Variants in CRYBA4 observed in about 807,000 individuals in gnomAD.
CRYBA4 encodes the protein beta-crystallin A4.
CRYBA4 carries 30 observed loss-of-function variants against 31.7 expected under a neutral mutation model. That is an observed-to-expected ratio of 0.95 (90% confidence interval 0.71 to 1.28). The LOEUF is 1.28. Among genes scored for constraint, CRYBA4 ranks in the 50% most tolerant of loss-of-function variants. The probability of loss-of-function intolerance (pLI) is 0.00; values close to 1 mark genes in which losing one functional copy is unlikely to be tolerated. For synonymous variants in CRYBA4, 102 were observed against 102.3 expected (o/e 1.00, Z 0.02); for missense variants, 225 against 260.7 (o/e 0.86, Z 0.94).
chr22:26,612,259 A>C, the CRYBA4 span: 2 of 1,058,184 alleles, frequency 1.9e-6, no homozygotes, highest in South Asian at 1.3e-5. Context: ...AAGTATCTAC[A>C]TAAATAAAAG....
In CRYBA4 at chr22:26,622,568, G is replaced by A. The variant is rs758265336; in HGVS notation, c.-12-17G>A. The A allele has an allele frequency of 1.2e-6, 2 of 1,606,360 alleles. No individual in the cohort carries two copies. Among genetic ancestry groups the A allele is most frequent in the Non-Finnish European group, 1.7e-6 (2 of 1,174,256 alleles). On this transcript the variant is annotated splice_polypyrimidine_tract_variant and intron_variant, in intron 1 of 5. Transcript: ENST00000354760. ...GAGGGTCAGGGTGGAAGATTATAAT[G>A]TTCTTCTCTTCTGCAGGAAGGGGCC...
chr22:26,630,343 G>T lies in CRYBA4; in HGVS notation c.447G>T (p.Trp149Cys). The part of the protein sequence containing the change: ...VGSFHVHSGA[W>C]VCSQFPGYRG... The stretch of plus-strand genomic sequence containing the variant: ...GTCTGCCTTTTCTCTTTTCCAGCTG[G>T]GTTTGCTCCCAGTTTCCGGGCTACC... Residue 149 changes from tryptophan to cysteine, a missense_variant, in exon 6 of 6, where the codon TGG (tryptophan) becomes TGT (cysteine). Physicochemically the swap from Trp to Cys is radical, Grantham distance 215 (BLOSUM62 -2). Coordinates refer to ENST00000354760, the MANE Select transcript of CRYBA4 (RefSeq NM_001886.3). 6.2e-7 allele frequency: 1 copy of T among 1,614,194 alleles called. No individual in the cohort carries two copies. The highest frequency in any genetic ancestry group is 8.5e-7 in the Non-Finnish European group (1 of 1,180,016).
rs1308321796 is a variant in CRYBA4, at chr22:26,630,578, CT to C, written c.*92del. The C allele has an allele frequency of 3.6e-5, 41 of 1,146,806 alleles. No homozygotes were observed. The East Asian group carries it at 9.8e-4, about 27-fold the overall frequency. The allele number at this position is 1,146,806 out of a possible 1,614,324, so 71.0% of individuals were successfully genotyped here. A position where few individuals can be genotyped will look rare whatever the true frequency, so the allele number is the denominator to read the frequency against. ...GTGTGTTCTCTCCTTCTGCCTCCCC[CT>C]GTAACCTGTGTGAACCCAGCACCCA... On this transcript the variant is annotated 3_prime_UTR_variant, in exon 6 of 6. Coordinates refer to ENST00000354760, the MANE Select transcript of CRYBA4 (RefSeq NM_001886.3).
intron 4 of CRYBA4, among the ~76,000 whole-genome samples, chr22:26,627,357 CTCCTTTCTTTCT>C (rs1337823197): frequency 6.1e-5 from 2 of 32,794 alleles, no homozygotes; most frequent in Non-Finnish European, 1.0e-4. Context: ...CCCTCCCTCC[CTCCTTTCTTTCT>C]TTCTTTCTTT....
chr22:26,629,284 T>C (rs1929848501), intron 5 of CRYBA4, among the ~76,000 whole-genome samples: 1 of 151,940 alleles, frequency 6.6e-6, no homozygotes, highest in Non-Finnish European at 1.5e-5. Flanking sequence ...ATCTTTTTTT[T>C]TTTTCTTTTT....
rs66906132 is a variant in CRYBA4 at position 26,629,734 on chromosome 22, C to CAAAAAAAAAAAAAAAAAA, written c.444-601_444-584dup. On this transcript the variant is annotated intron_variant, in intron 5 of 5. Coordinates refer to ENST00000354760, the MANE Select transcript of CRYBA4 (RefSeq NM_001886.3). The stretch of plus-strand genomic sequence containing the variant: ...TGGGCAACAGAGTGAGACTCTGTCT[C>CAAAAAAAAAAAAAAAAAA]AAAAAAAAAAAAAAAAAAAAAATCA... 3.8e-4 allele frequency among the ~76,000 whole-genome samples: 31 copies of CAAAAAAAAAAAAAAAAAA among 80,602 alleles called. 2 individuals are homozygous for CAAAAAAAAAAAAAAAAAA. The highest frequency in any genetic ancestry group is 6.6e-4 in the African/African-American group (16 of 24,272). The allele number at this position is 80,602 out of a possible 152,430, so 52.9% of individuals were successfully genotyped here.
chr22:26,622,414 G>A (rs1256908311), intron 1 of CRYBA4, among the ~76,000 whole-genome samples, 171 bp from the exon 2 acceptor site: 1 of 152,116 alleles, frequency 6.6e-6, no homozygotes, highest in African/African-American at 2.4e-5. Context: ...AGATGGCATT[G>A]GTGACAGATG....
At chr22:26,616,445 T>C in the CRYBA4 span, 2 of 762,108 alleles carry the variant, frequency 2.6e-6, no homozygotes, top group Non-Finnish European at 4.5e-6. Flanking sequence ...TTCCTCTCTA[T>C]CTCCTTCTGA....
rs1246592939 is a variant in CRYBA4, at chr22:26,627,404, CTTTCTTTCTTTCTTTCTTTCTT to C, written c.301-863_301-842del. On this transcript the variant is annotated intron_variant, in intron 4 of 5. Transcript: ENST00000354760. ...TCTTTCTTTCTTTCTTTCTTTCTTT[CTTTCTTTCTTTCTTTCTTTCTT>C]TTTCTTTCTTTCTTTCTTTCCTTCT... 6.9e-3 allele frequency among the ~76,000 whole-genome samples: 544 copies of C among 79,416 alleles called. 10 individuals carry two copies. The highest frequency in any genetic ancestry group is 0.014 in the African/African-American group (176 of 12,544). The allele number at this position is 79,416 out of a possible 152,430, so 52.1% of individuals were successfully genotyped here.
At chr22:26,603,254 G>T in the CRYBA4 span, among the ~76,000 whole-genome samples, 1 of 152,044 alleles carries the variant, frequency 6.6e-6, no homozygotes, top group Non-Finnish European at 1.5e-5. Context: ...TTATTGCCAG[G>T]CATGGTGGCT....
At chr22:26,621,073 T>TATGAGGGACCTA (rs1308464253), upstream of CRYBA4, among the ~76,000 whole-genome samples, 2 of 152,198 alleles carry the variant, frequency 1.3e-5, no homozygotes, top group Non-Finnish European at 2.9e-5. Flanking sequence ...AGTATGTATG[T>TATGAGGGACCTA]ATGAGGGACC....
At chr22:26,629,734 CAAAAAAAA>C (rs66906132) in intron 5 of CRYBA4, among the ~76,000 whole-genome samples, 7 of 80,600 alleles carry the variant, frequency 8.7e-5, no homozygotes, top group African/African-American at 2.5e-4. Context: ...GACTCTGTCT[CAAAAAAAA>C]AAAAAAAAAA....
chr22:26,622,677 G>A, intron 2 of CRYBA4, 42 bp downstream of exon 2: 2 of 1,311,750 alleles, frequency 1.5e-6, no homozygotes, highest in Non-Finnish European at 2.2e-6. Context: ...GGGGTATGGG[G>A]AGGGTTCAGG....
At chr22:26,617,336 AC>A (rs1254016400), upstream of CRYBA4, among the ~76,000 whole-genome samples, 1 of 152,126 alleles carries the variant, frequency 6.6e-6, no homozygotes, top group East Asian at 1.9e-4. Flanking sequence ...GGATTTGAGG[AC>A]CCCCTGCTAG....
chr22:26,617,361 C>T (rs1028357252), upstream of CRYBA4, among the ~76,000 whole-genome samples: 1 of 152,128 alleles, frequency 6.6e-6, no homozygotes, highest in East Asian at 1.9e-4. Flanking sequence ...AGATTAAGAC[C>T]CTCTGGTCAA....
the CRYBA4 span, among the ~76,000 whole-genome samples, chr22:26,613,856 G>A: frequency 6.6e-6 from 1 of 152,200 alleles, no homozygotes; most frequent in African/African-American, 2.4e-5. Context: ...AAGCAAATGG[G>A]AGAAATATCG....
At chr22:26,592,538 C>G in the CRYBA4 span, among the ~76,000 whole-genome samples, 4 of 152,172 alleles carry the variant, frequency 2.6e-5, no homozygotes, top group Admixed American at 2.6e-4. Flanking sequence ...AAAGGCCTAG[C>G]AGGAAGGAAG....
At chr22:26,590,921 T>C in the CRYBA4 span, among the ~76,000 whole-genome samples, 2 of 152,192 alleles carry the variant, frequency 1.3e-5, no homozygotes, top group African/African-American at 4.8e-5. Context: ...ATGTGTAAAA[T>C]TGGAAAAATA....
upstream of CRYBA4, among the ~76,000 whole-genome samples, chr22:26,617,460 C>T (rs947182776): frequency 5.3e-5 from 8 of 152,326 alleles, no homozygotes; most frequent in Non-Finnish European, 1.0e-4. Context: ...TGTGCATATT[C>T]TGGGGTGCCC....
Sources: gnomAD v4.1 joint callset for allele counts (sites outside exome capture counted in the v4.1 genomes callset) on GRCh38, gnomAD v4.1.1 for gene constraint, MANE v1.5 for transcripts, NCBI Gene and HGNC (gene_info 2026-07-23, HGNC 2026-07-21) for gene names.